The following MALRD1 variants were observed in gnomAD, a reference collection of about 807,000 sequenced individuals.
MALRD1 encodes the protein MAM and LDL receptor class A domain containing 1.
MALRD1 carries 247 observed loss-of-function variants against 242.1 expected under a neutral mutation model. The ratio of observed to expected loss-of-function variants is 1.02; its 90% CI spans 0.92 to 1.13. The LOEUF (loss-of-function observed/expected upper bound fraction) is 1.13, where lower values mean the gene tolerates loss of function less well. MALRD1 is among the 50% of genes most tolerant of loss of function. The pLI, the probability that MALRD1 is intolerant of heterozygous loss-of-function variation, is 0.00. For synonymous variants in MALRD1, 995 were observed against 866.6 expected (o/e 1.15, Z -2.60); for missense variants, 2,989 against 2,533.1 (o/e 1.18, Z -3.86).
chr10:19,623,692 C>A (rs1163646026), intron 36 of MALRD1, among the ~76,000 whole-genome samples: 1 of 152,114 alleles, frequency 6.6e-6, no homozygotes, highest in Non-Finnish European at 1.5e-5. Flanking sequence ...AGATGGTTGT[C>A]CCATCTCAAG....
intron 1 of MALRD1, among the ~76,000 whole-genome samples, chr10:19,053,288 C>T (rs1332027067): frequency 2.6e-5 from 4 of 152,126 alleles, no homozygotes; most frequent in Non-Finnish European, 5.9e-5. Flanking sequence ...TTTTAAAAAT[C>T]GAAGAAGTTT....
At chr10:19,156,860 G>A (rs938683594) in intron 12 of MALRD1, among the ~76,000 whole-genome samples, 6 of 152,076 alleles carry the variant, frequency 3.9e-5, no homozygotes, top group African/African-American at 1.4e-4. Context: ...AGTTGGGGTT[G>A]GGGTGTTATT....
In MALRD1 at chr10:19,454,431, T is replaced by TATAA. The variant is rs1011890675; in HGVS notation, c.5029+3942_5029+3943insTAAA. Among the ~76,000 whole-genome samples the TATAA allele has an allele frequency of 6.6e-5, 9 of 136,712 alleles. 1 individual carries two copies. Among genetic ancestry groups the TATAA allele is most frequent in the Non-Finnish European group, 1.1e-4 (7 of 63,566 alleles). The allele number at this position is 136,712 out of a possible 152,430, so 89.7% of individuals were successfully genotyped here. A position where few individuals can be genotyped will look rare whatever the true frequency, so the allele number is the denominator to read the frequency against. ...ATATATATATATATATATATATATA[T>TATAA]AATTATATGATACATACATATAAAT... On this transcript the variant is annotated intron_variant, in intron 29 of 39. Coordinates refer to ENST00000454679, the MANE Select transcript of MALRD1 (RefSeq NM_001142308.3).
chr10:19,599,853 C>T lies in MALRD1; in HGVS notation c.5944+4396C>T, dbSNP rs929328070. Among the ~76,000 whole-genome samples, 5 of 152,238 alleles carry T rather than the reference C, an allele frequency of 3.3e-5. No individual in the cohort carries two copies. The South Asian group carries it at 1.0e-3, about 32-fold the overall frequency. On this transcript the variant is annotated intron_variant, in intron 34 of 39. Coordinates refer to ENST00000454679, the MANE Select transcript of MALRD1 (RefSeq NM_001142308.3). ...AGTCCATGCTGATCTCAAAGAGTCTCTTCGCTCTGTATTAATCTGCTGGTG... is the reference window on the plus strand; with the variant it reads ...AGTCCATGCTGATCTCAAAGAGTCTTTTCGCTCTGTATTAATCTGCTGGTG...
At chr10:19,279,762 C>T (rs909082908) in intron 19 of MALRD1, among the ~76,000 whole-genome samples, 8 of 152,206 alleles carry the variant, frequency 5.3e-5, no homozygotes, top group Admixed American at 2.6e-4. Context: ...CCTGCTGATT[C>T]TCTAAGCCCT....
chr10:19,605,245 C>A (rs1838554404), intron 34 of MALRD1, among the ~76,000 whole-genome samples: 1 of 151,580 alleles, frequency 6.6e-6, no homozygotes, highest in Non-Finnish European at 1.5e-5. Context: ...ACCTCCACCT[C>A]CCAGGTTCAA....
At chr10:19,476,664 C>G (rs1836748588) in intron 29 of MALRD1, among the ~76,000 whole-genome samples, 1 of 152,176 alleles carries the variant, frequency 6.6e-6, no homozygotes, top group Non-Finnish European at 1.5e-5. Flanking sequence ...AGAGGTGGAT[C>G]TACAACCATA....
At chr10:19,289,399 G>A (rs1841297108) in intron 21 of MALRD1, among the ~76,000 whole-genome samples, 1 of 152,122 alleles carries the variant, frequency 6.6e-6, no homozygotes, top group Non-Finnish European at 1.5e-5. Flanking sequence ...ATAATTATTT[G>A]TTGAATGAAT....
Position 19,158,270 on chromosome 10 carries a change from T to C in MALRD1, c.1656+3098T>C, listed in dbSNP as rs540946308. On this transcript the variant is annotated intron_variant, in intron 12 of 39. Transcript: ENST00000454679. ...CAATTAAATACAGGAAGATGGATAA[T>C]ATGAAGCTTTTGCTTTCAAAGTTAG... is the stretch of plus-strand genomic sequence containing the variant. 5.9e-5 allele frequency among the ~76,000 whole-genome samples: 9 copies of C among 152,372 alleles called. No homozygotes were observed. The South Asian group carries it at 1.0e-3, about 18-fold the overall frequency.
chr10:19,259,105 T>C (rs1839640933), intron 19 of MALRD1, among the ~76,000 whole-genome samples: 1 of 152,166 alleles, frequency 6.6e-6, no homozygotes, highest in African/African-American at 2.4e-5. Context: ...CCCACATGTT[T>C]CTTTTCAAAC....
intron 5 of MALRD1, among the ~76,000 whole-genome samples, chr10:19,106,613 T>C (rs1387116738): frequency 1.3e-5 from 2 of 151,944 alleles, no homozygotes; most frequent in Non-Finnish European, 2.9e-5. Context: ...GGTATTGCTT[T>C]GTTTAGTTTC....
At chr10:19,267,389 A>T (rs1840014819) in intron 19 of MALRD1, among the ~76,000 whole-genome samples, 1 of 152,106 alleles carries the variant, frequency 6.6e-6, no homozygotes, top group African/African-American at 2.4e-5. Flanking sequence ...GATGCTTAAC[A>T]TAATTTTTAT....
intron 22 of MALRD1, among the ~76,000 whole-genome samples, chr10:19,325,372 G>A (rs1003886438): frequency 2.7e-5 from 4 of 149,370 alleles, no homozygotes; most frequent in Non-Finnish European, 5.9e-5. Flanking sequence ...TTTTTATCCT[G>A]TCCTGTCTCT....
chr10:19,511,055 A>G (rs991911056), intron 31 of MALRD1, among the ~76,000 whole-genome samples: 5 of 152,212 alleles, frequency 3.3e-5, no homozygotes, highest in African/African-American at 1.2e-4. Flanking sequence ...CCTTTGCAAT[A>G]TAGTCAGCTA....
At chr10:19,628,262 C>A (rs1028015727) in intron 36 of MALRD1, among the ~76,000 whole-genome samples, 2 of 152,156 alleles carry the variant, frequency 1.3e-5, no homozygotes, top group East Asian at 1.9e-4. Flanking sequence ...AATATTCATT[C>A]AATGTTTTAA....
At chr10:19,521,147 T>C (rs1833862929) in intron 31 of MALRD1, among the ~76,000 whole-genome samples, 1 of 152,124 alleles carries the variant, frequency 6.6e-6, no homozygotes, top group African/African-American at 2.4e-5. Context: ...CTGAAAACTT[T>C]TCAGATGAAT....
chr10:19,605,112 C>T (rs1393323720), intron 34 of MALRD1, among the ~76,000 whole-genome samples: 2 of 151,820 alleles, frequency 1.3e-5, no homozygotes, highest in Non-Finnish European at 2.9e-5. Flanking sequence ...CTCCTGAAAC[C>T]CTAGACAATT....
chr10:19,507,672 G>A (rs546074102), intron 31 of MALRD1, among the ~76,000 whole-genome samples: 1 of 152,204 alleles, frequency 6.6e-6, no homozygotes, highest in Admixed American at 6.5e-5. Context: ...ATATTGGTTA[G>A]TGTTTGGATA....
At chr10:19,518,613 A>G (rs1234221091) in intron 31 of MALRD1, among the ~76,000 whole-genome samples, 3 of 152,126 alleles carry the variant, frequency 2.0e-5, no homozygotes. Flanking sequence ...TCTATTTCCA[A>G]ATTTTGTATT....
Sources: gnomAD v4.1 joint callset for allele counts (sites outside exome capture counted in the v4.1 genomes callset) on GRCh38, gnomAD v4.1.1 for gene constraint, MANE v1.5 for transcripts, NCBI Gene and HGNC (gene_info 2026-07-23, HGNC 2026-07-21) for gene names.